Variants in ADD2 observed in about 807,000 individuals in gnomAD.
ADD2 encodes the protein adducin 2, also known as beta-adducin.
ADD2 carries 23 observed loss-of-function variants against 83.0 expected under a neutral mutation model. The ratio of observed to expected loss-of-function variants is 0.28; its 90% CI spans 0.20 to 0.39. ADD2 has a LOEUF of 0.39. Ranked by LOEUF, ADD2 falls within the 10% of genes least tolerant of loss-of-function variation. ADD2 has a pLI of 1.00. For synonymous variants in ADD2, 375 were observed against 375.4 expected (o/e 1.00, Z 0.01); for missense variants, 758 against 944.9 (o/e 0.80, Z 2.59).
chr2:70,763,622 A>T (rs139649624), intron 1 of ADD2, among the ~76,000 whole-genome samples: 6 of 152,166 alleles, frequency 3.9e-5, no homozygotes, highest in African/African-American at 1.4e-4. Flanking sequence ...AAAACAATGT[A>T]CAAATACAAC....
At chr2:70,722,364 C>T (rs145678422) in intron 1 of ADD2, among the ~76,000 whole-genome samples, 28 of 152,260 alleles carry the variant, frequency 1.8e-4, no homozygotes, top group African/African-American at 6.7e-4. Context: ...TTGGCGGACA[C>T]ATCCCAACTT....
intron 1 of ADD2, among the ~76,000 whole-genome samples, chr2:70,753,228 T>C (rs1230499248): frequency 6.6e-6 from 1 of 152,184 alleles, no homozygotes; most frequent in Non-Finnish European, 1.5e-5. Flanking sequence ...TGTTGAGTGC[T>C]GCTGACAGGT....
At chr2:70,734,194 A>G (rs887369041) in intron 1 of ADD2, among the ~76,000 whole-genome samples, 1 of 152,268 alleles carries the variant, frequency 6.6e-6, no homozygotes, top group Middle Eastern at 3.4e-3. Flanking sequence ...CACATGGGGG[A>G]AAAATGAGTT....
intron 1 of ADD2, among the ~76,000 whole-genome samples, chr2:70,763,027 C>T (rs1423249317): frequency 1.3e-5 from 2 of 151,980 alleles, no homozygotes; most frequent in Admixed American, 6.6e-5. Flanking sequence ...TTGAGACTAA[C>T]ATCTTTTGTA....
chr2:70,671,546 A>G (rs1343551887), intron 15 of ADD2, among the ~76,000 whole-genome samples: 1 of 152,198 alleles, frequency 6.6e-6, no homozygotes, highest in Non-Finnish European at 1.5e-5. Flanking sequence ...GTGAGTTAGT[A>G]AACAGCCTCT....
chr2:70,728,507 G>C (rs150856813), intron 1 of ADD2, among the ~76,000 whole-genome samples: 269 of 152,306 alleles, frequency 1.8e-3, no homozygotes, highest in Admixed American at 3.3e-3. Context: ...GAGAAGAGGT[G>C]CACTAGGTGA....
chr2:70,690,958 C>T (rs1553371495), intron 7 of ADD2, 29 bp from the exon 8 acceptor site: 2 of 1,595,240 alleles, frequency 1.3e-6, no homozygotes, highest in South Asian at 1.2e-5. Flanking sequence ...TGGTTAGCAC[C>T]TGCAGCCCTC....
chr2:70,696,427 A>G (rs782238265), intron 4 of ADD2, 31 bp from the exon 5 acceptor site: 1 of 1,612,922 alleles, frequency 6.2e-7, no homozygotes, highest in South Asian at 1.1e-5. Context: ...TCTCAGGGCC[A>G]GGGCCCATCT....
Position 70,661,785 on chromosome 2 carries a change from C to G in ADD2, c.*1640G>C, listed in dbSNP as rs1675544831. On this transcript the variant is annotated 3_prime_UTR_variant, in exon 16 of 16. Transcript: ENST00000264436. ...GAGACAAATCCTGGATGAAAACCACCACCCCTGGGGATTAAAGTTGTCTGT... is the reference window on the plus strand; with the variant it reads ...GAGACAAATCCTGGATGAAAACCACGACCCCTGGGGATTAAAGTTGTCTGT... 1 of 152,224 alleles carries G rather than the reference C, an allele frequency of 6.6e-6. No homozygotes were observed. The highest frequency in any genetic ancestry group is 2.1e-4 in the South Asian group (1 of 4,836). 9.4% of individuals were successfully genotyped at this position (152,224 alleles called of 1,614,324 possible).
chr2:70,725,237 A>G (rs782362840), intron 1 of ADD2, among the ~76,000 whole-genome samples: 5 of 152,250 alleles, frequency 3.3e-5, no homozygotes, highest in African/African-American at 4.8e-5. Flanking sequence ...GAAGCATTCA[A>G]TAATGCTGGT....
intron 15 of ADD2, among the ~76,000 whole-genome samples, chr2:70,668,380 C>T (rs1669765174): frequency 6.6e-6 from 1 of 152,222 alleles, no homozygotes; most frequent in Non-Finnish European, 1.5e-5. Context: ...AGGTCTGGCT[C>T]AAGCCACACT....
At chr2:70,678,329 C>G (rs1670282063) in intron 11 of ADD2, among the ~76,000 whole-genome samples, 1 of 152,194 alleles carries the variant, frequency 6.6e-6, no homozygotes, top group South Asian at 2.1e-4. Flanking sequence ...AGTGGCTGTA[C>G]AGCCCACCTC....
intron 2 of ADD2, among the ~76,000 whole-genome samples, chr2:70,712,457 A>T (rs1300669880): frequency 3.6e-5 from 3 of 83,714 alleles, no homozygotes; most frequent in African/African-American, 6.2e-5. Flanking sequence ...AAAAATAAAT[A>T]AATAAAAAAA....
intron 14 of ADD2, chr2:70,673,224 C>T (rs782235392): frequency 6.2e-7 from 1 of 1,613,496 alleles, no homozygotes. Context: ...ATGTTTCCTT[C>T]ATCAAAACAC....
rs533352135 is a variant in ADD2, at chr2:70,691,339, G to T, written c.706-410C>A. 2.6e-5 allele frequency among the ~76,000 whole-genome samples: 4 copies of T among 152,254 alleles called. No individual in the cohort carries two copies. The South Asian group carries it at 8.3e-4, about 32-fold the overall frequency. ...GCAGAGTCCAGATCTCTTGGGGTAG[G>T]CTGGAGACCCTCAGCTTTGGTTTCA... On this transcript the variant is annotated intron_variant, in intron 7 of 15. Coordinates refer to ENST00000264436, the MANE Select transcript of ADD2 (RefSeq NM_001617.4).
At chr2:70,669,893 C>T (rs1044001045) in intron 15 of ADD2, among the ~76,000 whole-genome samples, 13 of 152,146 alleles carry the variant, frequency 8.5e-5, no homozygotes, top group South Asian at 2.1e-4. Context: ...GACAGACAGA[C>T]ACCCAGCCAT....
At chr2:70,675,141 C>T (rs1670068485) in intron 13 of ADD2, 1 of 1,053,014 alleles carries the variant, frequency 9.5e-7, no homozygotes. Flanking sequence ...CACTTCCAAG[C>T]CATCACTATG....
chr2:70,679,636 A>G (rs1553369182), intron 10 of ADD2, among the ~76,000 whole-genome samples: 1 of 152,224 alleles, frequency 6.6e-6, no homozygotes, highest in African/African-American at 2.4e-5. Context: ...TTAAATTAAA[A>G]TGACATTATT....
At position 70,677,000 on chromosome 2, in the gene ADD2, C is replaced by T; in HGVS notation, c.1504-115G>A. On this transcript the variant is annotated intron_variant, in intron 12 of 15. Transcript: ENST00000264436. This position sits in a 1 kb window ranked among gnomAD's most constrained non-coding sequence, Gnocchi z 4.8. ...GAAAGGTCCTCTAGCGGTGTGGGAGCCCGTCACCTATCCTAATGCAATCCT... is the reference window on the plus strand; with the variant it reads ...GAAAGGTCCTCTAGCGGTGTGGGAGTCCGTCACCTATCCTAATGCAATCCT... 1 of 1,466,434 alleles carries T rather than the reference C, an allele frequency of 6.8e-7. No individual in the cohort carries two copies. The allele number at this position is 1,466,434 out of a possible 1,614,324, so 90.8% of individuals were successfully genotyped here.
Sources: gnomAD v4.1 joint callset for allele counts (sites outside exome capture counted in the v4.1 genomes callset) on GRCh38, gnomAD v4.1.1 for gene constraint, Gnocchi (gnomAD v3.1) non-coding constraint, MANE v1.5 for transcripts, NCBI Gene and HGNC (gene_info 2026-07-23, HGNC 2026-07-21) for gene names.